EPB41L4A: variants seen among roughly 807,000 people sequenced by gnomAD.
EPB41L4A encodes the protein band 4.1-like protein 4A.
In EPB41L4A, 100 loss-of-function variants were observed where a neutral mutation model predicts 108.6. The ratio of observed to expected loss-of-function variants is 0.92; its 90% CI spans 0.78 to 1.09. The LOEUF (loss-of-function observed/expected upper bound fraction) is 1.09. Among genes scored for constraint, EPB41L4A ranks in the 50% least tolerant of loss-of-function variants. The pLI is 0.00. For missense variants in EPB41L4A, 1,030 were observed against 842.7 expected, an observed-to-expected ratio of 1.22 and a Z score of -2.75; for synonymous variants, 319 against 289.0, an observed-to-expected ratio of 1.10 and a Z score of -1.05.
At chr5:112,322,145 T>C (rs527977811) in intron 1 of EPB41L4A, among the ~76,000 whole-genome samples, 6 of 152,344 alleles carry the variant, frequency 3.9e-5, no homozygotes, top group African/African-American at 1.2e-4. Flanking sequence ...AAATACTATT[T>C]GTGTGTGGCA....
chr5:112,145,218 A>G (rs1759205856), intron 13 of EPB41L4A, among the ~76,000 whole-genome samples: 1 of 152,186 alleles, frequency 6.6e-6, no homozygotes, highest in African/African-American at 2.4e-5. Context: ...TGAACCTGGG[A>G]GGTGGAGGTT....
intron 11 of EPB41L4A, among the ~76,000 whole-genome samples, chr5:112,238,082 G>A (rs187455627): frequency 2.4e-4 from 36 of 152,234 alleles, no homozygotes; most frequent in Admixed American, 1.8e-3. Context: ...CAACAACAGC[G>A]TATGTTAAAG....
chr5:112,262,606 G>A, intron 6 of EPB41L4A, 25 bp from the exon 7 acceptor site: 2 of 1,596,962 alleles, frequency 1.3e-6, no homozygotes, highest in Non-Finnish European at 1.7e-6. Context: ...AAAACAAAGA[G>A]CCTTATTTTA....
chr5:112,417,641 T>G lies in EPB41L4A; in HGVS notation c.99+1300A>C, dbSNP rs1762789875. Among the ~76,000 whole-genome samples, 3 of 152,214 alleles carry G rather than the reference T, an allele frequency of 2.0e-5. No individual in the cohort carries two copies. The South Asian group carries it at 6.2e-4, about 32-fold the overall frequency. On this transcript the variant is annotated intron_variant, in intron 1 of 22. Coordinates refer to ENST00000261486, the MANE Select transcript of EPB41L4A (RefSeq NM_022140.5). ...AGTTAAAAATACAAAATGTACACCC[T>G]CCCCGAAAAGAGTCTATTTTATTGG... is the stretch of plus-strand genomic sequence containing the variant.
At chr5:112,222,082 T>G (rs1469331539) in intron 12 of EPB41L4A, among the ~76,000 whole-genome samples, 1 of 152,180 alleles carries the variant, frequency 6.6e-6, no homozygotes, top group African/African-American at 2.4e-5. Flanking sequence ...CTTGGCTAGG[T>G]AAGATGCCCC....
chr5:112,345,924 T>C (rs1377682316), intron 1 of EPB41L4A, among the ~76,000 whole-genome samples: 2 of 152,112 alleles, frequency 1.3e-5, no homozygotes. Context: ...TTTTATAATT[T>C]AGGTAGTTTT....
intron 1 of EPB41L4A, among the ~76,000 whole-genome samples, chr5:112,319,583 A>G (rs1755639294): frequency 6.6e-6 from 1 of 152,238 alleles, no homozygotes; most frequent in Non-Finnish European, 1.5e-5. Context: ...GCTAAAAAAT[A>G]GATAAGATGA....
chr5:112,410,478 A>T (rs1466876193), intron 1 of EPB41L4A, among the ~76,000 whole-genome samples: 1 of 152,162 alleles, frequency 6.6e-6, no homozygotes, highest in East Asian at 1.9e-4. Flanking sequence ...GCAGCAATGA[A>T]AACAGGGGAA....
At chr5:112,304,213 C>CA (rs1284516306) in intron 2 of EPB41L4A, among the ~76,000 whole-genome samples, 2 of 152,158 alleles carry the variant, frequency 1.3e-5, no homozygotes, top group African/African-American at 4.8e-5. Context: ...AAAAGGGCAG[C>CA]AGACCCAGGA....
intron 1 of EPB41L4A, among the ~76,000 whole-genome samples, chr5:112,315,661 A>G (rs998638056): frequency 6.6e-6 from 1 of 152,216 alleles, no homozygotes; most frequent in African/African-American, 2.4e-5. Context: ...TAAAGGTAGC[A>G]TAAGGAATAA....
At chr5:112,229,317 A>C (rs961534710) in intron 12 of EPB41L4A, among the ~76,000 whole-genome samples, 4 of 152,220 alleles carry the variant, frequency 2.6e-5, no homozygotes, top group African/African-American at 9.6e-5. Flanking sequence ...ATGGCCTGCA[A>C]AGTCTAAAAT....
chr5:112,171,141 G>T, intron 18 of EPB41L4A, 149 bp from the exon 19 acceptor site: 1 of 675,896 alleles, frequency 1.5e-6, no homozygotes, highest in Non-Finnish European at 2.5e-6. Flanking sequence ...CCATTGTGAT[G>T]GTTAGTATAA....
intron 18 of EPB41L4A, among the ~76,000 whole-genome samples, chr5:112,178,584 T>C (rs1204766272): frequency 6.6e-6 from 1 of 152,066 alleles, no homozygotes; most frequent in Non-Finnish European, 1.5e-5. Context: ...TTCAGACTTT[T>C]TTTTTTAACC....
chr5:112,382,446 T>C (rs144068250), intron 1 of EPB41L4A, among the ~76,000 whole-genome samples: 345 of 152,320 alleles, frequency 2.3e-3, no homozygotes, highest in African/African-American at 8.0e-3. Context: ...CATCCATCCT[T>C]GGGAATGGCC....
At position 112,267,084 on chromosome 5, in the gene EPB41L4A, C is replaced by T. The variant is rs150418677; in HGVS notation, c.336-754G>A. On this transcript the variant is annotated intron_variant, in intron 4 of 22. Transcript: ENST00000261486. ...CCTGGAACTCTATCAATCAGGATGT[C>T]ATGTAACTTTGATTAGTTTTATTTT... 3.5e-3 allele frequency among the ~76,000 whole-genome samples: 534 copies of T among 152,304 alleles called. 3 individuals are homozygous for T. The highest frequency in any genetic ancestry group is 0.012 in the African/African-American group (517 of 41,554).
At chr5:112,167,123 C>CAAAAA (rs10642511) in intron 22 of EPB41L4A, among the ~76,000 whole-genome samples, 17 of 110,540 alleles carry the variant, frequency 1.5e-4, no homozygotes, top group East Asian at 1.1e-3. Flanking sequence ...AAATTTAAGA[C>CAAAAA]AAAAAAAAAA....
At chr5:112,368,865 T>G (rs17134407) in intron 1 of EPB41L4A, among the ~76,000 whole-genome samples, 1,530 of 152,258 alleles carry the variant, frequency 0.01, 26 homozygotes, top group African/African-American at 0.034. Context: ...CTATCTTTTG[T>G]TACAGTCTTT....
exon 13 of EPB41L4A, chr5:112,145,918 AT>A: frequency 2.2e-6 from 1 of 456,826 alleles, no homozygotes. Flanking sequence ...GAAGTGTATT[AT>A]GAGAGACCTT....
intron 1 of EPB41L4A, among the ~76,000 whole-genome samples, chr5:112,401,437 G>C (rs918027896): frequency 6.6e-6 from 1 of 152,194 alleles, no homozygotes; most frequent in African/African-American, 2.4e-5. Context: ...AATTCTCAAT[G>C]TTCTCTCATT....
Sources: allele counts gnomAD v4.1 joint callset (sites outside exome capture counted in the v4.1 genomes callset), GRCh38; gene constraint gnomAD v4.1.1; transcripts MANE v1.5; gene names NCBI Gene and HGNC (gene_info 2026-07-23, HGNC 2026-07-21).